Variants in WAC observed in about 807,000 individuals in gnomAD.
WAC encodes the protein WW domain-containing adapter protein with coiled-coil.
A neutral mutation model predicts 79.6 loss-of-function variants in WAC; 11 were observed. The ratio of observed to expected loss-of-function variants is 0.14; its 90% CI spans 0.09 to 0.23. The LOEUF (loss-of-function observed/expected upper bound fraction) is 0.23, where lower values mean the gene tolerates loss of function less well. WAC is among the 10% of genes least tolerant of loss of function. WAC has a pLI of 1.00. For missense variants in WAC, 728 were observed against 773.5 expected, an observed-to-expected ratio of 0.94 and a Z score of 0.70; for synonymous variants, 304 against 276.9, an observed-to-expected ratio of 1.10 and a Z score of -0.97.
intron 7 of WAC, among the ~76,000 whole-genome samples, chr10:28,603,538 G>A (rs764119446): frequency 4.0e-4 from 61 of 152,256 alleles, no homozygotes; most frequent in Non-Finnish European, 7.6e-4. Context: ...TTTATGTTCA[G>A]TTTGTTGCAA....
rs571718277 is a variant in WAC, at chr10:28,614,650, T to C, written c.1521T>C (p.His507=). The C allele has an allele frequency of 1.9e-6, 3 of 1,614,186 alleles. No homozygotes were observed. The highest frequency in any genetic ancestry group is 1.1e-5 in the South Asian group (1 of 91,084). ...QPVTADKQQG[H]EPVSPRSLQR... ...TAACTGCTGACAAGCAGCAAGGTCA[T>C]GAACCTGTCTCTCCTCGAAGTCTTC... The change falls in exon 11 of 14, where the codon CAT becomes CAC. Residue 507 remains histidine (H), a synonymous_variant. Transcript: ENST00000354911.
chr10:28,586,776 A>G (rs1401977197), intron 4 of WAC, among the ~76,000 whole-genome samples: 1 of 152,102 alleles, frequency 6.6e-6, no homozygotes, highest in Non-Finnish European at 1.5e-5. Flanking sequence ...GATTTTTCAA[A>G]GGGGGCTCTG....
rs142553691 is a variant in WAC at position 28,604,586 on chromosome 10, C to T, written c.920-3600C>T. Among the ~76,000 whole-genome samples, 1,027 of 152,106 alleles carry T rather than the reference C, an allele frequency of 6.8e-3. 12 individuals are homozygous for T. Among genetic ancestry groups the T allele is most frequent in the African/African-American group, 0.023 (974 of 41,494 alleles). On this transcript the variant is annotated intron_variant, in intron 7 of 13. Transcript: ENST00000354911. ...ATCTCTACTAAAAATACAAAAAATT[C>T]GCTGGGTGTGGTGGCATGCACCTGT...
intron 3 of WAC, among the ~76,000 whole-genome samples, chr10:28,548,229 T>C (rs1175375201): frequency 6.6e-6 from 1 of 152,098 alleles, no homozygotes; most frequent in Non-Finnish European, 1.5e-5. Context: ...CGGCCAACAT[T>C]TTAATTTTCT....
intron 3 of WAC, among the ~76,000 whole-genome samples, chr10:28,541,363 T>C (rs1244230919): frequency 6.6e-6 from 1 of 151,332 alleles, no homozygotes; most frequent in Admixed American, 6.6e-5. Context: ...ATATAACTCA[T>C]TGTCAATTTG....
At chr10:28,603,671 G>A (rs897946570) in intron 7 of WAC, among the ~76,000 whole-genome samples, 16 of 151,818 alleles carry the variant, frequency 1.1e-4, no homozygotes, top group African/African-American at 3.6e-4. Context: ...GGTAGCTCAC[G>A]CCTGTAATCC....
intron 6 of WAC, among the ~76,000 whole-genome samples, chr10:28,594,276 T>C (rs1840242034): frequency 6.6e-6 from 1 of 152,216 alleles, no homozygotes; most frequent in Non-Finnish European, 1.5e-5. Context: ...GGAAGTTTTC[T>C]TGGTTGAGGA....
At chr10:28,548,039 G>A (rs1837458584) in intron 3 of WAC, among the ~76,000 whole-genome samples, 1 of 151,122 alleles carries the variant, frequency 6.6e-6, no homozygotes, top group South Asian at 2.1e-4. Flanking sequence ...TCCTGCCTCA[G>A]CCTCCCGAGT....
In WAC at chr10:28,541,290, T is replaced by C. The variant is rs148276788; in HGVS notation, c.274+5533T>C. On this transcript the variant is annotated intron_variant, in intron 3 of 13. Transcript: ENST00000354911. ...TGGGGGGTAGTGCATCATTTTGTTA[T>C]GATGCTGGAAAGAGTGAAGATGGAA... 4.4e-3 allele frequency among the ~76,000 whole-genome samples: 669 copies of C among 152,224 alleles called. 12 individuals are homozygous for C. The highest frequency in any genetic ancestry group is 0.012 in the East Asian group (61 of 5,184).
At chr10:28,610,322 TAGC>T (rs1310502446) in intron 8 of WAC, among the ~76,000 whole-genome samples, 1 of 152,104 alleles carries the variant, frequency 6.6e-6, no homozygotes, top group Non-Finnish European at 1.5e-5. Context: ...TCACATGAAA[TAGC>T]AGTTGTTTAT....
At position 28,541,257 on chromosome 10, in the gene WAC, G is replaced by T. The variant is rs554236324; in HGVS notation, c.274+5500G>T. Among the ~76,000 whole-genome samples, 9 of 152,050 alleles carry T rather than the reference G, an allele frequency of 5.9e-5. No homozygotes were observed. In the East Asian group the frequency reaches 1.7e-3, roughly 29 times the overall value. On this transcript the variant is annotated intron_variant, in intron 3 of 13. Transcript: ENST00000354911. ...ATCTGTTACCTTATTCTGTTGTGCA[G>T]AATTGTTTGGGGGGTAGTGCATCAT...
At chr10:28,558,349 T>C (rs1489274099) in intron 3 of WAC, among the ~76,000 whole-genome samples, 1 of 152,174 alleles carries the variant, frequency 6.6e-6, no homozygotes, top group Non-Finnish European at 1.5e-5. Flanking sequence ...GGAAAGCTAA[T>C]ATAGGGTAAA....
At chr10:28,535,887 ATT>A in intron 3 of WAC, 130 bp downstream of exon 3, 7 of 713,920 alleles carry the variant, frequency 9.8e-6, no homozygotes, top group African/African-American at 1.9e-5. Flanking sequence ...TAATCCTATC[ATT>A]TTTTTTTTAC....
In WAC at chr10:28,590,935, A is replaced by G. The variant is rs576393276; in HGVS notation, c.610+103A>G. ...TCTACATATGTAAATTAAAATAAAT[A>G]GAAACATACGGAGATTCTTTTATGT... On this transcript the variant is annotated intron_variant, in intron 6 of 13. Transcript: ENST00000354911. The G allele has an allele frequency of 4.6e-4, 430 of 924,740 alleles. 2 individuals are homozygous for G. In the Middle Eastern group the frequency reaches 9.4e-3, roughly 20 times the overall value. The allele number at this position is 924,740 out of a possible 1,614,324, so 57.3% of individuals were successfully genotyped here.
chr10:28,540,304 C>T (rs990791469), intron 3 of WAC, among the ~76,000 whole-genome samples: 4 of 152,086 alleles, frequency 2.6e-5, no homozygotes, highest in East Asian at 1.9e-4. Context: ...TCTCTAACTT[C>T]GGTAACTTGT....
At chr10:28,604,498 G>A (rs1009760358) in intron 7 of WAC, among the ~76,000 whole-genome samples, 3 of 152,096 alleles carry the variant, frequency 2.0e-5, no homozygotes, top group African/African-American at 7.2e-5. Flanking sequence ...TTGGGAAGCC[G>A]AGGTGAACAG....
At chr10:28,587,842 C>T (rs757481491) in intron 4 of WAC, among the ~76,000 whole-genome samples, 5 of 151,778 alleles carry the variant, frequency 3.3e-5, no homozygotes, top group South Asian at 2.1e-4. Flanking sequence ...TGTGGTAGAC[C>T]GGTGCTCGGG....
chr10:28,623,060 A>T lies in WAC; in HGVS notation c.*3454A>T, dbSNP rs1292275352. On this transcript the variant is annotated 3_prime_UTR_variant, in exon 14 of 14. Coordinates refer to ENST00000354911, the MANE Select transcript of WAC (RefSeq NM_016628.5). ...GTGTTTTGAAAGTCTTAGAATGCAT[A>T]ATTTGCATTTGAGTAAGGAAATTTA... 1 of 152,198 alleles carries T rather than the reference A, an allele frequency of 6.6e-6. No individual in the cohort carries two copies. Among genetic ancestry groups the T allele is most frequent in the Non-Finnish European group, 1.5e-5 (1 of 68,034 alleles). The allele number at this position is 152,198 out of a possible 1,614,324, so 9.4% of individuals were successfully genotyped here. A position where few individuals can be genotyped will look rare whatever the true frequency, so the allele number is the denominator to read the frequency against.
chr10:28,596,966 C>T (rs1286736538), intron 7 of WAC, among the ~76,000 whole-genome samples: 1 of 152,154 alleles, frequency 6.6e-6, no homozygotes, highest in East Asian at 1.9e-4. Flanking sequence ...GAACTTGTAG[C>T]CCCCTTAAAA....
Sources: allele counts gnomAD v4.1 joint callset (sites outside exome capture counted in the v4.1 genomes callset), GRCh38; gene constraint gnomAD v4.1.1; transcripts MANE v1.5; gene names NCBI Gene and HGNC (gene_info 2026-07-23, HGNC 2026-07-21).